The following RIMKLB variants were observed in gnomAD, a reference collection of about 807,000 sequenced individuals.
RIMKLB encodes the protein ribosomal modification protein rimK like family member B.
RIMKLB carries 7 observed loss-of-function variants against 32.0 expected under a neutral mutation model. The observed-to-expected ratio is 0.22, with a 90% CI of 0.12 to 0.41. The LOEUF is 0.41. Ranked by LOEUF, RIMKLB falls within the 10% of genes least tolerant of loss-of-function variation. The pLI is 1.00. For synonymous variants in RIMKLB, 172 were observed against 185.1 expected (o/e 0.93, Z 0.57); for missense variants, 289 against 498.7 (o/e 0.58, Z 4.00).
At chr12:8,683,683 G>A (rs1385351454) in intron 1 of RIMKLB, among the ~76,000 whole-genome samples, 1 of 151,962 alleles carries the variant, frequency 6.6e-6, no homozygotes, top group Admixed American at 6.6e-5. Flanking sequence ...ATTTGTTCCC[G>A]GTCTGGCTTG....
upstream of RIMKLB, among the ~76,000 whole-genome samples, chr12:8,678,017 A>G (rs898609328): frequency 6.6e-6 from 1 of 151,666 alleles, no homozygotes; most frequent in Admixed American, 6.6e-5. Flanking sequence ...TCTTGGACTC[A>G]ACAATCAGCT....
rs74059999 is a variant in RIMKLB at position 8,752,091 on chromosome 12, C to T, written c.493+48C>T. 66 of 1,190,370 alleles carry T rather than the reference C, an allele frequency of 5.5e-5. No homozygotes were observed. In the African/African-American group the frequency reaches 9.7e-4, roughly 18 times the overall value. The allele number at this position is 1,190,370 out of a possible 1,614,324, so 73.7% of individuals were successfully genotyped here. Reference sequence around the variant, plus strand: ...GTATATAGTTTTGAAACTATTCTTGCTTATTAATATGGAGTGACTTTGAAG... The same window carrying T: ...GTATATAGTTTTGAAACTATTCTTGTTTATTAATATGGAGTGACTTTGAAG... On this transcript the variant is annotated intron_variant, in intron 4 of 5. Transcript: ENST00000535829.
intron 2 of RIMKLB, among the ~76,000 whole-genome samples, chr12:8,728,983 C>T (rs1946298106): frequency 6.6e-6 from 1 of 152,222 alleles, no homozygotes; most frequent in South Asian, 2.1e-4. Flanking sequence ...TGCTCCACCC[C>T]TCATGGGAGG....
chr12:8,765,610 TGAGA>T (rs532556240), intron 5 of RIMKLB, among the ~76,000 whole-genome samples: 2 of 152,318 alleles, frequency 1.3e-5, no homozygotes, highest in South Asian at 4.1e-4. Context: ...GCTTCAAGTC[TGAGA>T]GAGAAAAAGG....
intron 7 of RIMKLB, among the ~76,000 whole-genome samples, chr12:8,782,269 T>C (rs1199525827): frequency 6.6e-6 from 1 of 152,158 alleles, no homozygotes; most frequent in Non-Finnish European, 1.5e-5. Flanking sequence ...AATTTTGTTT[T>C]ATTTTGTATG....
chr12:8,768,605 A>G (rs932371425), intron 5 of RIMKLB, among the ~76,000 whole-genome samples: 1 of 152,166 alleles, frequency 6.6e-6, no homozygotes, highest in African/African-American at 2.4e-5. Context: ...AGGGCATTCT[A>G]TATTGGTAAA....
the RIMKLB span, among the ~76,000 whole-genome samples, chr12:8,674,846 AG>A: frequency 6.8e-6 from 1 of 147,238 alleles, no homozygotes; most frequent in African/African-American, 2.5e-5. Flanking sequence ...CACTGCGTCC[AG>A]CCTTTTGTCA....
intron 4 of RIMKLB, among the ~76,000 whole-genome samples, chr12:8,753,442 G>A (rs1011201294): frequency 2.8e-4 from 42 of 152,120 alleles, no homozygotes; most frequent in African/African-American, 9.9e-4. Context: ...TAGACAAATA[G>A]AGCAGTGGAA....
In RIMKLB at chr12:8,775,263, T is replaced by G; in HGVS notation, c.*1479T>G. 1.0e-6 allele frequency: 1 copy of G among 985,540 alleles called. No individual in the cohort carries two copies. The highest frequency in any genetic ancestry group is 1.2e-6 in the Non-Finnish European group (1 of 829,786). The allele number at this position is 985,540 out of a possible 1,614,324, so 61.0% of individuals were successfully genotyped here. ...TTGTTTGGGGACTTATTTAGTAGTA[T>G]TGAGTCTCTTATAGCCCTACTCTTA... On this transcript the variant is annotated 3_prime_UTR_variant, in exon 6 of 6. Coordinates refer to ENST00000535829, the MANE Select transcript of RIMKLB (RefSeq NM_001297776.2).
At position 8,713,223 on chromosome 12, in the gene RIMKLB, AATT is replaced by A. The variant is rs537380058; in HGVS notation, c.-56-584_-56-582del. ...TTGAGAGCCCTTTTGCTCATTCTCC[AATT>A]ATTTATTTTCACTAAAGCTACTGTG... On this transcript the variant is annotated intron_variant, in intron 1 of 5. Transcript: ENST00000535829. 2.4e-3 allele frequency among the ~76,000 whole-genome samples: 361 copies of A among 152,262 alleles called. 3 individuals are homozygous for A. Among genetic ancestry groups the A allele is most frequent in the Non-Finnish European group, 3.9e-3 (268 of 68,024 alleles).
In RIMKLB at chr12:8,775,081, T is replaced by A. The variant is rs1950654354; in HGVS notation, c.*1297T>A. The A allele has an allele frequency of 1.0e-6, 1 of 985,644 alleles. No homozygotes were observed. Among genetic ancestry groups the A allele is most frequent in the South Asian group, 4.7e-5 (1 of 21,292 alleles). 61.1% of individuals were successfully genotyped at this position (985,644 alleles called of 1,614,324 possible). On this transcript the variant is annotated 3_prime_UTR_variant, in exon 6 of 6. Transcript: ENST00000535829. ...GGGTGAGTAGATGCTTTTTTAGGCCTTTTTGTGTATATGTACGTTGTTTGT... is the reference window on the plus strand; with the variant it reads ...GGGTGAGTAGATGCTTTTTTAGGCCATTTTGTGTATATGTACGTTGTTTGT...
chr12:8,774,283 T>C lies in RIMKLB; in HGVS notation c.*499T>C, dbSNP rs1950602280. On this transcript the variant is annotated 3_prime_UTR_variant, in exon 6 of 6. Coordinates refer to ENST00000535829, the MANE Select transcript of RIMKLB (RefSeq NM_001297776.2). ...TTCCTTATTAACTAGCAGCTTTAGT[T>C]TGTAGTTTATGAAATCTTGAGGGGC... is the stretch of plus-strand genomic sequence containing the variant. 2.0e-6 allele frequency: 2 copies of C among 983,612 alleles called. No homozygotes were observed. The highest frequency in any genetic ancestry group is 4.7e-5 in the South Asian group (1 of 21,252). The allele number at this position is 983,612 out of a possible 1,614,324, so 60.9% of individuals were successfully genotyped here. A position where few individuals can be genotyped will look rare whatever the true frequency, so the allele number is the denominator to read the frequency against.
chr12:8,738,942 T>A (rs1947255795), intron 2 of RIMKLB, among the ~76,000 whole-genome samples: 1 of 152,066 alleles, frequency 6.6e-6, no homozygotes, highest in Non-Finnish European at 1.5e-5. Context: ...CAAGGACAGT[T>A]CCTTCTCTGT....
At chr12:8,686,766 G>A (rs978515728) in intron 1 of RIMKLB, among the ~76,000 whole-genome samples, 2 of 152,168 alleles carry the variant, frequency 1.3e-5, no homozygotes, top group East Asian at 3.8e-4. Context: ...ACAGGTGTGA[G>A]CCACCACACC....
In RIMKLB at chr12:8,775,929, A is replaced by G. The variant is rs1950700552; in HGVS notation, c.*2145A>G. 1.0e-6 allele frequency: 1 copy of G among 984,730 alleles called. No individual in the cohort carries two copies. Among genetic ancestry groups the G allele is most frequent in the South Asian group, 4.7e-5 (1 of 21,286 alleles). 61.0% of individuals were successfully genotyped at this position (984,730 alleles called of 1,614,324 possible). A position where few individuals can be genotyped will look rare whatever the true frequency, so the allele number is the denominator to read the frequency against. On this transcript the variant is annotated 3_prime_UTR_variant, in exon 6 of 6. Coordinates refer to ENST00000535829, the MANE Select transcript of RIMKLB (RefSeq NM_001297776.2). ...CTCTGACTCATTAACAGAAAGAAAT[A>G]CTTGGTACTTCTTTCGCTGAATGAC...
chr12:8,728,614 C>G (rs1248771476), intron 2 of RIMKLB, among the ~76,000 whole-genome samples: 1 of 151,882 alleles, frequency 6.6e-6, no homozygotes, highest in African/African-American at 2.4e-5. Context: ...CCTACTTAGG[C>G]TTTTTTTATT....
At chr12:8,777,562 T>C (rs527282826), downstream of RIMKLB, 1,013 of 1,276,184 alleles carry the variant, frequency 7.9e-4, 8 homozygotes, top group South Asian at 0.011. Flanking sequence ...ATATTCTAAC[T>C]GCTTGCACTG....
At position 8,713,884 on chromosome 12, in the gene RIMKLB, T is replaced by G; in HGVS notation, c.18T>G (p.Ala6=). Residue 6 remains alanine (A), a synonymous_variant, in exon 2 of 6, where the codon GCT becomes GCG. Coordinates refer to ENST00000535829, the MANE Select transcript of RIMKLB (RefSeq NM_001297776.2). ...TGATCAAGATGTGTAGTTCTGTGGC[T>G]GCCAAGTTGTGGTTTTTGACAGATC... is the stretch of plus-strand genomic sequence containing the variant. MCSSV[A]AKLWFLTDRR... is the part of the protein sequence containing the mutation. The G allele has an allele frequency of 6.2e-7, 1 of 1,614,070 alleles. No homozygotes were observed. The highest frequency in any genetic ancestry group is 1.1e-5 in the South Asian group (1 of 91,070).
chr12:8,745,026 G>A (rs1321110885), intron 2 of RIMKLB, among the ~76,000 whole-genome samples: 2 of 151,890 alleles, frequency 1.3e-5, no homozygotes, highest in Non-Finnish European at 2.9e-5. Context: ...CCCGGTGTGT[G>A]ATGTTCCCCA....
Sources: gnomAD v4.1 joint callset for allele counts (sites outside exome capture counted in the v4.1 genomes callset) on GRCh38, gnomAD v4.1.1 for gene constraint, MANE v1.5 for transcripts, NCBI Gene and HGNC (gene_info 2026-07-23, HGNC 2026-07-21) for gene names.